OPN4: variants seen among roughly 807,000 people sequenced by gnomAD.
OPN4 encodes the protein opsin 4.
Under a neutral mutation model 49.5 loss-of-function variants are expected in OPN4, and 43 were observed. That is an observed-to-expected ratio of 0.87 (90% confidence interval 0.68 to 1.12). The LOEUF (loss-of-function observed/expected upper bound fraction) is 1.12, where lower values mean the gene tolerates loss of function less well. Ranked by LOEUF, OPN4 falls within the 50% of genes most tolerant of loss-of-function variation. OPN4 has a pLI of 0.00. For missense variants in OPN4, 657 were observed against 643.9 expected (o/e 1.02, Z -0.22); for synonymous variants, 263 against 258.0 (o/e 1.02, Z -0.19).
At chr10:86,662,479 T>C in intron 8 of OPN4, 47 bp downstream of exon 8, 2 of 1,511,370 alleles carry the variant, frequency 1.3e-6, no homozygotes, top group Non-Finnish European at 1.8e-6. Context: ...CATCCCTTCC[T>C]CAGGCAGCCC....
At chr10:86,657,882 G>T (rs534279418) in intron 2 of OPN4, 150 bp from the exon 3 acceptor site, 1 of 786,058 alleles carries the variant, frequency 1.3e-6, no homozygotes, top group Non-Finnish European at 2.0e-6. Flanking sequence ...TCTGTGGCCC[G>T]GCAGCTCGTG....
At chr10:86,655,368 G>A (rs1321710339) in intron 1 of OPN4, among the ~76,000 whole-genome samples, 1 of 152,174 alleles carries the variant, frequency 6.6e-6, no homozygotes, top group African/African-American at 2.4e-5. Context: ...CAACACCACT[G>A]CTACCTGGGG....
Position 86,663,691 on chromosome 10 carries a change from G to T in OPN4, c.1287G>T (p.Trp429Cys). ...GWTHMEAAAV[W>C]GAAQQANGRS... Reference sequence around the variant, plus strand: ...CACACATGGAGGCAGCAGCTGTGTGGGGAGCTGCCCAGCAAGCAAATGGGC... The same window carrying T: ...CACACATGGAGGCAGCAGCTGTGTGTGGAGCTGCCCAGCAAGCAAATGGGC... The change falls in exon 9 of 10, where the codon TGG becomes TGT. Residue 429 changes from tryptophan to cysteine, a missense_variant. By Grantham distance (215) the Trp-to-Cys change is radical. Transcript: ENST00000241891. 6.4e-7 allele frequency: 1 copy of T among 1,566,616 alleles called. No individual in the cohort carries two copies. Among genetic ancestry groups the T allele is most frequent in the Non-Finnish European group, 8.7e-7 (1 of 1,154,478 alleles).
intron 8 of OPN4, 22 bp downstream of exon 8, chr10:86,662,454 C>A: frequency 6.5e-7 from 1 of 1,537,246 alleles, no homozygotes; most frequent in Non-Finnish European, 8.7e-7. Flanking sequence ...GGGCCCTCAC[C>A]AGCTTGCGCC....
At chr10:86,660,683 G>C (rs974972953) in intron 6 of OPN4, among the ~76,000 whole-genome samples, 1 of 152,170 alleles carries the variant, frequency 6.6e-6, no homozygotes, top group Non-Finnish European at 1.5e-5. Context: ...GCAAGGGCCA[G>C]AGTCAATGGG....
chr10:86,659,847 T>C, intron 5 of OPN4, 48 bp from the exon 6 acceptor site: 4 of 1,600,472 alleles, frequency 2.5e-6, no homozygotes, highest in Non-Finnish European at 3.4e-6. Flanking sequence ...ACCCTGGTGC[T>C]GACTGCCACC....
intron 9 of OPN4, 92 bp from the exon 10 acceptor site, chr10:86,665,621 C>A: frequency 9.2e-7 from 1 of 1,084,606 alleles, no homozygotes; most frequent in Non-Finnish European, 1.4e-6. Context: ...ACCTCCCCCA[C>A]TGCTCGGTGA....
intron 2 of OPN4, among the ~76,000 whole-genome samples, 167 bp downstream of exon 2, chr10:86,656,467 G>A (rs1843867112): frequency 6.6e-6 from 1 of 152,240 alleles, no homozygotes; most frequent in South Asian, 2.1e-4. Context: ...AGACCTTCCT[G>A]AAGGTCACGG....
intron 1 of OPN4, among the ~76,000 whole-genome samples, 181 bp from the exon 2 acceptor site, chr10:86,655,974 G>C (rs893108813): frequency 7.9e-5 from 12 of 152,268 alleles, no homozygotes; most frequent in African/African-American, 2.9e-4. Context: ...CTGGACTTTA[G>C]AAAGGACCTG....
At chr10:86,657,662 GA>G (rs982739620) in intron 2 of OPN4, among the ~76,000 whole-genome samples, 1 of 152,218 alleles carries the variant, frequency 6.6e-6, no homozygotes, top group African/African-American at 2.4e-5. Context: ...ATTGGTCAAG[GA>G]AATGGTGTGA....
intron 1 of OPN4, among the ~76,000 whole-genome samples, chr10:86,655,225 C>G (rs1052817677): frequency 1.3e-5 from 2 of 152,194 alleles, no homozygotes; most frequent in African/African-American, 4.8e-5. Context: ...TCAGAGGTTG[C>G]TCGGATGCCC....
chr10:86,661,720 C>T (rs533828772), intron 7 of OPN4, among the ~76,000 whole-genome samples: 15 of 140,214 alleles, frequency 1.1e-4, no homozygotes, highest in Admixed American at 8.0e-4. Context: ...ACAGTGTCAT[C>T]CTGAAGAAAT....
rs755438057 is a variant in OPN4, at chr10:86,661,366, G to A, written c.1051G>A (p.Ala351Thr). 18 of 1,613,762 alleles carry A rather than the reference G, an allele frequency of 1.1e-5. No individual in the cohort carries two copies. Among genetic ancestry groups the A allele is most frequent in the Non-Finnish European group, 1.4e-5 (16 of 1,179,850 alleles). Reference sequence around the variant, plus strand: ...TGCAATCCACAACCCCATCATTTACGCCATCACCCACCCCAAGTACAGGTG... The same window carrying A: ...TGCAATCCACAACCCCATCATTTACACCATCACCCACCCCAAGTACAGGTG... ...ASAIHNPIIYAITHPKYRVAI... is the reference protein window; with the variant it reads ...ASAIHNPIIYTITHPKYRVAI... Residue 351 changes from alanine to threonine, a missense_variant, in exon 7 of 10, where the codon GCC becomes ACC. By Grantham distance (58) the Ala-to-Thr change is moderately conservative. Transcript: ENST00000241891.
chr10:86,658,790 G>GC, intron 4 of OPN4, 103 bp downstream of exon 4: 1 of 1,212,480 alleles, frequency 8.2e-7, no homozygotes, highest in Non-Finnish European at 1.2e-6. Context: ...GGAGCAGGGT[G>GC]CCCAGGAGCT....
intron 1 of OPN4, among the ~76,000 whole-genome samples, chr10:86,655,419 G>A (rs1843840588): frequency 6.6e-6 from 1 of 152,188 alleles, no homozygotes; most frequent in Non-Finnish European, 1.5e-5. Flanking sequence ...TGCTGGCCCA[G>A]GTGCTGGACA....
chr10:86,662,699 C>T (rs1844043206), intron 8 of OPN4, among the ~76,000 whole-genome samples: 1 of 152,238 alleles, frequency 6.6e-6, no homozygotes, highest in South Asian at 2.1e-4. Context: ...TCTTCCAACT[C>T]CAGGCCATCC....
At chr10:86,665,351 C>T (rs1844129656) in intron 9 of OPN4, among the ~76,000 whole-genome samples, 1 of 152,040 alleles carries the variant, frequency 6.6e-6, no homozygotes, top group African/African-American at 2.4e-5. Context: ...GAAGGAAGTG[C>T]TGCAGGGCAG....
chr10:86,655,446 G>A (rs2132298332), intron 1 of OPN4, among the ~76,000 whole-genome samples: 1 of 152,324 alleles, frequency 6.6e-6, no homozygotes, highest in Admixed American at 6.5e-5. Context: ...GAAGGCTCCG[G>A]TAGCTATAGG....
intron 9 of OPN4, among the ~76,000 whole-genome samples, chr10:86,665,121 T>G (rs1170890636): frequency 6.6e-6 from 1 of 151,662 alleles, no homozygotes; most frequent in Non-Finnish European, 1.5e-5. Context: ...GGGAGGGAGC[T>G]CAATATGTCC....
Sources: gnomAD v4.1 joint callset for allele counts (sites outside exome capture counted in the v4.1 genomes callset) on GRCh38, gnomAD v4.1.1 for gene constraint, MANE v1.5 for transcripts, NCBI Gene and HGNC (gene_info 2026-07-23, HGNC 2026-07-21) for gene names.